Variants in LRRC7 observed in about 807,000 individuals in gnomAD.
LRRC7 encodes the protein leucine-rich repeat-containing protein 7.
In LRRC7, 23 loss-of-function variants were observed where a neutral mutation model predicts 175.7. That is an observed-to-expected ratio of 0.13 (90% CI 0.09 to 0.19). The LOEUF is 0.19. Ranked by LOEUF, LRRC7 falls within the 10% of genes least tolerant of loss-of-function variation. The probability of loss-of-function intolerance (pLI) is 1.00; values close to 1 mark genes in which losing one functional copy is unlikely to be tolerated. For missense variants in LRRC7, 1,354 were observed against 1,904.7 expected, an observed-to-expected ratio of 0.71 and a Z score of 5.38; for synonymous variants, 685 against 680.9, an observed-to-expected ratio of 1.01 and a Z score of -0.09.
intron 4 of LRRC7, among the ~76,000 whole-genome samples, chr1:69,809,382 C>A (rs887681992): frequency 2.1e-4 from 32 of 152,090 alleles, no homozygotes; most frequent in African/African-American, 7.7e-4. Flanking sequence ...TGAAACTATT[C>A]CAAATAATAG....
chr1:70,022,452 G>T (rs1390967548), intron 16 of LRRC7: 1 of 152,182 alleles, frequency 6.6e-6, no homozygotes, highest in East Asian at 1.9e-4. Context: ...TGGTATATGT[G>T]TCAATGAAAA....
chr1:69,839,842 A>G (rs1428081342), intron 7 of LRRC7, among the ~76,000 whole-genome samples: 1 of 152,068 alleles, frequency 6.6e-6, no homozygotes, highest in Non-Finnish European at 1.5e-5. Flanking sequence ...ATATAGATTG[A>G]TAATATGGAC....
intron 4 of LRRC7, among the ~76,000 whole-genome samples, chr1:69,823,544 A>G (rs556893940): frequency 2.0e-5 from 3 of 152,076 alleles, no homozygotes; most frequent in African/African-American, 4.8e-5. Flanking sequence ...TGTGTGGGAA[A>G]AAAAGTGTGT....
chr1:69,699,341 A>C (rs1295928176), intron 2 of LRRC7, among the ~76,000 whole-genome samples: 1 of 152,092 alleles, frequency 6.6e-6, no homozygotes, highest in Non-Finnish European at 1.5e-5. Flanking sequence ...ATAGATCAAA[A>C]CCATCCTGGC....
intron 2 of LRRC7, among the ~76,000 whole-genome samples, chr1:69,704,890 A>G (rs887335426): frequency 1.3e-5 from 2 of 152,216 alleles, no homozygotes; most frequent in East Asian, 1.9e-4. Context: ...AAATTCTCCT[A>G]CATATTTCAA....
intron 7 of LRRC7, among the ~76,000 whole-genome samples, chr1:69,913,894 A>C (rs1646608540): frequency 6.6e-6 from 1 of 152,190 alleles, no homozygotes; most frequent in South Asian, 2.1e-4. Flanking sequence ...TTTATTTCTA[A>C]AATTTTATAA....
intron 17 of LRRC7, among the ~76,000 whole-genome samples, chr1:70,027,765 CT>C (rs781054885): frequency 5.3e-5 from 8 of 152,112 alleles, no homozygotes; most frequent in Non-Finnish European, 7.4e-5. Context: ...TGCATTGCTA[CT>C]CAAAAGATAC....
At chr1:69,767,654 C>T (rs1317762003) in intron 3 of LRRC7, among the ~76,000 whole-genome samples, 4 of 151,902 alleles carry the variant, frequency 2.6e-5, no homozygotes, top group Non-Finnish European at 4.4e-5. Context: ...CTATGTTCTT[C>T]GTTATGTATA....
At chr1:69,585,288 T>A (rs937652601) in intron 1 of LRRC7, among the ~76,000 whole-genome samples, 8 of 152,178 alleles carry the variant, frequency 5.3e-5, no homozygotes, top group African/African-American at 1.9e-4. Flanking sequence ...CAAATATGAT[T>A]TTTTAACAAA....
At chr1:69,893,192 T>A (rs1645885727) in intron 7 of LRRC7, among the ~76,000 whole-genome samples, 1 of 152,176 alleles carries the variant, frequency 6.6e-6, no homozygotes, top group Non-Finnish European at 1.5e-5. Flanking sequence ...TTTGCAATAA[T>A]GTAATACTGT....
At chr1:69,954,942 G>A (rs1650341232) in intron 8 of LRRC7, among the ~76,000 whole-genome samples, 1 of 152,056 alleles carries the variant, frequency 6.6e-6, no homozygotes, top group African/African-American at 2.4e-5. Context: ...AGCACTATGT[G>A]CATGATACAA....
chr1:69,877,849 T>C (rs1686182139), intron 7 of LRRC7, among the ~76,000 whole-genome samples: 1 of 152,102 alleles, frequency 6.6e-6, no homozygotes. Flanking sequence ...TGTAGTGAGG[T>C]TTCTGCCAGA....
At chr1:69,580,082 T>C (rs1646133533) in intron 1 of LRRC7, among the ~76,000 whole-genome samples, 1 of 152,104 alleles carries the variant, frequency 6.6e-6, no homozygotes, top group African/African-American at 2.4e-5. Context: ...GTATTTGACA[T>C]GTGGTGTGAG....
chr1:69,960,564 G>A (rs1465404930), intron 8 of LRRC7, among the ~76,000 whole-genome samples: 1 of 150,202 alleles, frequency 6.7e-6, no homozygotes, highest in Non-Finnish European at 1.5e-5. Flanking sequence ...TTTTAGTTCT[G>A]ATGTTGGGTT....
chr1:69,645,339 T>C (rs1482343365), intron 1 of LRRC7, among the ~76,000 whole-genome samples: 2 of 152,064 alleles, frequency 1.3e-5, no homozygotes, highest in Non-Finnish European at 2.9e-5. Context: ...TCAATAACTA[T>C]AAAATACTTA....
At chr1:70,037,300 C>A (rs1659406881) in intron 20 of LRRC7, among the ~76,000 whole-genome samples, 1 of 152,090 alleles carries the variant, frequency 6.6e-6, no homozygotes, top group Non-Finnish European at 1.5e-5. Context: ...GATAATATTG[C>A]CACTGTTGGC....
intron 2 of LRRC7, among the ~76,000 whole-genome samples, chr1:69,698,279 A>G (rs1038766942): frequency 6.6e-6 from 1 of 152,218 alleles, no homozygotes; most frequent in Admixed American, 6.5e-5. Context: ...TAAGACTTGC[A>G]TATATTCAAG....
chr1:69,609,987 A>G (rs1035096025), intron 1 of LRRC7, among the ~76,000 whole-genome samples: 4 of 151,996 alleles, frequency 2.6e-5, no homozygotes, highest in African/African-American at 9.7e-5. Context: ...AGTGATCACC[A>G]TTTTATTACT....
At chr1:69,924,124 G>C (rs887514487) in intron 7 of LRRC7, among the ~76,000 whole-genome samples, 1 of 151,938 alleles carries the variant, frequency 6.6e-6, no homozygotes, top group Non-Finnish European at 1.5e-5. Flanking sequence ...GATATGCGGC[G>C]TTATTTCTGA....
Sources: allele counts gnomAD v4.1 joint callset (sites outside exome capture counted in the v4.1 genomes callset), GRCh38; gene constraint gnomAD v4.1.1; transcripts MANE v1.5; gene names NCBI Gene and HGNC (gene_info 2026-07-23, HGNC 2026-07-21).